KSR2: variants seen among roughly 807,000 people sequenced by gnomAD.
KSR2 encodes kinase suppressor of ras 2.
KSR2 carries 25 observed loss-of-function variants against 107.8 expected under a neutral mutation model. The ratio of observed to expected loss-of-function variants is 0.23; its 90% confidence interval spans 0.17 to 0.32. The LOEUF is 0.32. KSR2 is among the 10% of genes least tolerant of loss of function. KSR2 has a pLI of 1.00. For synonymous variants in KSR2, 480 were observed against 507.0 expected, an observed-to-expected ratio of 0.95 and a Z score of 0.71; for missense variants, 887 against 1,268.9, an observed-to-expected ratio of 0.70 and a Z score of 4.57.
rs61939866 is a variant in KSR2, at chr12:117,841,868, G to T, written c.472+13560C>A. Among the ~76,000 whole-genome samples, 992 of 152,362 alleles carry T rather than the reference G, an allele frequency of 6.5e-3. 13 individuals carry two copies. The highest frequency in any genetic ancestry group is 0.01 in the Non-Finnish European group (696 of 68,034). Reference sequence around the variant, plus strand: ...ATAATCCTACGGACCTCATGAGGTTGTTGAAGAATTAAATGAGCAGGTGCT... The same window carrying T: ...ATAATCCTACGGACCTCATGAGGTTTTTGAAGAATTAAATGAGCAGGTGCT... On this transcript the variant is annotated intron_variant, in intron 3 of 19. Transcript: ENST00000339824.
chr12:117,840,158 C>T (rs552095815), intron 3 of KSR2, among the ~76,000 whole-genome samples: 16 of 150,240 alleles, frequency 1.1e-4, no homozygotes, highest in Admixed American at 3.3e-4. Context: ...GAGTGCAATG[C>T]GCAATCTTGG....
At chr12:117,756,829 T>C in intron 4 of KSR2, among the ~76,000 whole-genome samples, 1 of 152,056 alleles carries the variant, frequency 6.6e-6, no homozygotes, top group Non-Finnish European at 1.5e-5. Context: ...CTGAGGTGGG[T>C]GGATCACCTG....
chr12:117,639,909 G>T (rs1358647832), intron 5 of KSR2, among the ~76,000 whole-genome samples: 3 of 152,018 alleles, frequency 2.0e-5, no homozygotes, highest in Non-Finnish European at 4.4e-5. Context: ...CCCGACAGTA[G>T]AATAGCACTC....
chr12:117,935,665 G>A (rs1371696402), intron 1 of KSR2, among the ~76,000 whole-genome samples: 1 of 152,186 alleles, frequency 6.6e-6, no homozygotes, highest in Non-Finnish European at 1.5e-5. Flanking sequence ...GGAGGCTGAG[G>A]CATAAGAATT....
intron 5 of KSR2, among the ~76,000 whole-genome samples, chr12:117,589,026 T>C (rs1880167468): frequency 6.6e-6 from 1 of 152,258 alleles, no homozygotes; most frequent in African/African-American, 2.4e-5. Context: ...GATAACTAAA[T>C]TGTTCAAAGT....
intron 3 of KSR2, among the ~76,000 whole-genome samples, chr12:117,772,754 C>T (rs1376791098): frequency 6.6e-6 from 1 of 152,010 alleles, no homozygotes; most frequent in East Asian, 1.9e-4. Flanking sequence ...CAAAGACGCA[C>T]ACACACACAT....
intron 14 of KSR2, among the ~76,000 whole-genome samples, chr12:117,516,243 G>T (rs923828209): frequency 1.3e-5 from 2 of 152,020 alleles, no homozygotes; most frequent in Non-Finnish European, 2.9e-5. Flanking sequence ...GTTATTTCTA[G>T]TCCCAACCTT....
intron 3 of KSR2, among the ~76,000 whole-genome samples, chr12:117,848,850 A>ATGATGG (rs1555249553): frequency 3.4e-5 from 3 of 87,150 alleles, no homozygotes; most frequent in South Asian, 3.8e-4. Flanking sequence ...GGTGATGGTG[A>ATGATGG]TGATGGTGAT....
At chr12:117,938,471 T>TA (rs1895909407) in intron 1 of KSR2, among the ~76,000 whole-genome samples, 1 of 151,556 alleles carries the variant, frequency 6.6e-6, no homozygotes, top group Non-Finnish European at 1.5e-5. Context: ...CTAGGCAACA[T>TA]AGAGAGACCT....
chr12:117,680,825 C>T (rs893879238), intron 4 of KSR2, among the ~76,000 whole-genome samples: 2 of 151,756 alleles, frequency 1.3e-5, no homozygotes, highest in African/African-American at 2.4e-5. Context: ...TATATTAATT[C>T]GAAAAAAATG....
At chr12:117,759,449 C>T (rs1888917183) in intron 4 of KSR2, among the ~76,000 whole-genome samples, 1 of 152,218 alleles carries the variant, frequency 6.6e-6, no homozygotes, top group South Asian at 2.1e-4. Context: ...CCTTCACTTA[C>T]AGAATCCTGC....
intron 1 of KSR2, among the ~76,000 whole-genome samples, chr12:117,947,205 AAAAG>A (rs773449400): frequency 0.026 from 1,814 of 69,190 alleles, 42 homozygotes; most frequent in South Asian, 0.043. Context: ...GAAAAGAAAG[AAAAG>A]AAAGAAAGAA....
At chr12:117,809,579 A>G (rs113371172) in intron 3 of KSR2, among the ~76,000 whole-genome samples, 2,307 of 152,284 alleles carry the variant, frequency 0.015, 54 homozygotes, top group African/African-American at 0.052. Context: ...CCCTTGCCTC[A>G]TCAACATCAC....
chr12:117,764,191 A>G (rs1332295422), intron 3 of KSR2, among the ~76,000 whole-genome samples: 1 of 152,070 alleles, frequency 6.6e-6, no homozygotes, highest in East Asian at 1.9e-4. Context: ...CAGCCTAGCC[A>G]TCATCCCTAT....
In KSR2 at chr12:117,553,343, C is replaced by A. The variant is rs115866637; in HGVS notation, c.1518+1826G>T. Reference sequence around the variant, plus strand: ...GAGATAGAGGAGGGACCAAATTTTGCATGGGCTTTCAGGCTGCAGCAGAGT... The same window carrying A: ...GAGATAGAGGAGGGACCAAATTTTGAATGGGCTTTCAGGCTGCAGCAGAGT... On this transcript the variant is annotated intron_variant, in intron 9 of 19. Coordinates refer to ENST00000339824, the MANE Select transcript of KSR2 (RefSeq NM_173598.6). Among the ~76,000 whole-genome samples the A allele has an allele frequency of 8.0e-3, 1,213 of 152,318 alleles. 22 individuals carry two copies. The highest frequency in any genetic ancestry group is 0.027 in the African/African-American group (1,135 of 41,574).
At chr12:117,749,078 T>C (rs951818745) in intron 4 of KSR2, among the ~76,000 whole-genome samples, 1 of 143,734 alleles carries the variant, frequency 7.0e-6, no homozygotes, top group African/African-American at 2.7e-5. Context: ...GCCCCTGACA[T>C]TTCCAGCCGG....
At chr12:117,764,787 C>T (rs889832272) in intron 3 of KSR2, among the ~76,000 whole-genome samples, 1 of 152,160 alleles carries the variant, frequency 6.6e-6, no homozygotes, top group African/African-American at 2.4e-5. Flanking sequence ...CTCATCTAAC[C>T]TCTCTAAGTC....
rs141952709 is a variant in KSR2, at chr12:117,745,820, T to A, written c.986+15191A>T. ...GCAGAGAGCCAAATAATGAATGAAC[T>A]CCCATTCACAACTGCTATAAAGAGA... is the stretch of plus-strand genomic sequence containing the variant. On this transcript the variant is annotated intron_variant, in intron 4 of 19. Transcript: ENST00000339824. Among the ~76,000 whole-genome samples the A allele has an allele frequency of 7.3e-3, 1,103 of 152,028 alleles. 12 individuals carry two copies. The highest frequency in any genetic ancestry group is 0.025 in the African/African-American group (1,046 of 41,464).
intron 5 of KSR2, among the ~76,000 whole-genome samples, chr12:117,641,688 G>T (rs1299173709): frequency 1.3e-5 from 2 of 152,128 alleles, no homozygotes; most frequent in African/African-American, 4.8e-5. Flanking sequence ...GGTATTGGGG[G>T]TTAGGACTTC....
Sources: allele counts gnomAD v4.1 joint callset (sites outside exome capture counted in the v4.1 genomes callset), GRCh38; gene constraint gnomAD v4.1.1; transcripts MANE v1.5; gene names NCBI Gene and HGNC (gene_info 2026-07-23, HGNC 2026-07-21).